TRPM6: variants seen among roughly 807,000 people sequenced by gnomAD.
The protein encoded by TRPM6 is transient receptor potential cation channel subfamily M member 6.
TRPM6 carries 111 observed loss-of-function variants against 247.6 expected under a neutral mutation model. The ratio of observed to expected loss-of-function variants is 0.45; its 90% CI spans 0.38 to 0.52. TRPM6 has a LOEUF of 0.52. TRPM6 is among the 20% of genes least tolerant of loss of function. TRPM6 has a pLI of 0.00. For synonymous variants in TRPM6, 892 were observed against 853.8 expected, an observed-to-expected ratio of 1.04 and a Z score of -0.78; for missense variants, 2,126 against 2,421.5, an observed-to-expected ratio of 0.88 and a Z score of 2.56.
chr9:74,775,482 C>G (rs957637000), intron 24 of TRPM6, among the ~76,000 whole-genome samples: 1 of 152,132 alleles, frequency 6.6e-6, no homozygotes, highest in Admixed American at 6.5e-5. Flanking sequence ...CTCTTAGACC[C>G]CAAGGCCTTC....
At chr9:74,776,219 T>G (rs1827217417) in intron 23 of TRPM6, 143 bp from the exon 24 acceptor site, 1 of 738,028 alleles carries the variant, frequency 1.4e-6, no homozygotes, top group South Asian at 1.5e-5. Context: ...GTGTTTACAA[T>G]TCTTCTTCCA....
intron 27 of TRPM6, among the ~76,000 whole-genome samples, chr9:74,756,923 C>T (rs1477800460): frequency 1.3e-5 from 2 of 151,836 alleles, no homozygotes; most frequent in South Asian, 2.1e-4. Context: ...AGAGGCTGGG[C>T]GTGGTGGTTC....
At chr9:74,788,779 G>A (rs370252228) in intron 19 of TRPM6, 37 bp from the exon 20 acceptor site, 61 of 1,610,598 alleles carry the variant, frequency 3.8e-5, no homozygotes, top group Non-Finnish European at 4.8e-5. Context: ...ATGTGAGTGA[G>A]AGCAAGCATG....
chr9:74,785,809 C>T (rs933170059), intron 21 of TRPM6, 65 bp downstream of exon 21: 13 of 1,578,994 alleles, frequency 8.2e-6, no homozygotes, highest in Middle Eastern at 3.7e-4. Flanking sequence ...AGGTGTGAGC[C>T]ACCACACCTG....
chr9:74,791,678 T>C (rs1322289409), intron 19 of TRPM6, among the ~76,000 whole-genome samples: 1 of 152,188 alleles, frequency 6.6e-6, no homozygotes, highest in East Asian at 1.9e-4. Flanking sequence ...CATATACTAC[T>C]GAAGGCAAAA....
rs190112728 is a variant in TRPM6, at chr9:74,794,098, C to T, written c.2392-1328G>A. Among the ~76,000 whole-genome samples, 335 of 151,228 alleles carry T rather than the reference C, an allele frequency of 2.2e-3. 4 individuals carry two copies. Among genetic ancestry groups the T allele is most frequent in the Admixed American group, 0.018 (266 of 15,178 alleles). On this transcript the variant is annotated intron_variant, in intron 18 of 38. Coordinates refer to ENST00000360774, the MANE Select transcript of TRPM6 (RefSeq NM_017662.5). ...TTAAGAAGCAGCAATGTAAGGGTAG[C>T]GAAAGGAAAGCAAAAGCGATATCAC...
chr9:74,801,760 C>A, intron 16 of TRPM6, 138 bp downstream of exon 16: 1 of 1,064,394 alleles, frequency 9.4e-7, no homozygotes, highest in Non-Finnish European at 1.4e-6. Flanking sequence ...TACCTGAAGA[C>A]CCTTTTAACA....
intron 7 of TRPM6, among the ~76,000 whole-genome samples, chr9:74,826,138 C>T (rs769189790): frequency 2.4e-4 from 36 of 152,140 alleles, no homozygotes; most frequent in Non-Finnish European, 4.1e-4. Context: ...AAAGACACAC[C>T]GTGCACCCAA....
intron 27 of TRPM6, among the ~76,000 whole-genome samples, chr9:74,758,892 C>A (rs1188708802): frequency 6.6e-6 from 1 of 152,018 alleles, no homozygotes; most frequent in African/African-American, 2.4e-5. Context: ...TCTTAAAAAG[C>A]TACACAATAT....
intron 20 of TRPM6, 152 bp from the exon 21 acceptor site, chr9:74,786,277 T>G: frequency 1.3e-6 from 1 of 765,310 alleles, no homozygotes. Flanking sequence ...ACTTAAGTTA[T>G]CATCAGTAAT....
intron 27 of TRPM6, among the ~76,000 whole-genome samples, chr9:74,758,781 A>C (rs780704835): frequency 6.6e-6 from 1 of 152,186 alleles, no homozygotes; most frequent in Non-Finnish European, 1.5e-5. Flanking sequence ...GGTTCTGTTC[A>C]GTGTAATCAG....
At chr9:74,800,052 C>G (rs930143974) in intron 17 of TRPM6, 1 of 603,236 alleles carries the variant, frequency 1.7e-6, no homozygotes, top group Non-Finnish European at 3.0e-6. Flanking sequence ...TCGCAGAAGA[C>G]GACCATCCCC....
intron 36 of TRPM6, chr9:74,737,300 G>T: frequency 8.6e-7 from 1 of 1,166,228 alleles, no homozygotes; most frequent in Non-Finnish European, 1.1e-6. Context: ...AAAAATTTGT[G>T]TCACATCCTT....
chr9:74,885,162 G>C (rs1038095085), intron 1 of TRPM6, among the ~76,000 whole-genome samples: 1 of 152,160 alleles, frequency 6.6e-6, no homozygotes, highest in African/African-American at 2.4e-5. Context: ...AAGGAAGAAA[G>C]CTTTTAATAG....
Position 74,840,151 on chromosome 9 carries a change from C to G in TRPM6, c.417G>C (p.Val139=). The G allele has an allele frequency of 6.2e-7, 1 of 1,614,046 alleles. No individual in the cohort carries two copies. Among genetic ancestry groups the G allele is most frequent in the Non-Finnish European group, 8.5e-7 (1 of 1,179,928 alleles). ...KEWKMELPKL[V]ISVHGGIQNF... ...TCTGGATGCCCCCATGGACTGAGAT[C>G]ACAAGCTTGGGCAGTTCCATTTTCC... is the stretch of plus-strand genomic sequence containing the variant. The change falls in exon 5 of 39, where the codon GTG becomes GTC. Residue 139 remains valine, a synonymous_variant. Transcript: ENST00000360774.
chr9:74,753,128 A>G (rs1826313110), intron 28 of TRPM6, among the ~76,000 whole-genome samples: 1 of 151,442 alleles, frequency 6.6e-6, no homozygotes, highest in South Asian at 2.1e-4. Flanking sequence ...AAAAAAAAAA[A>G]AGAAAGGAAT....
chr9:74,725,454 A>G (rs1825284271), intron 38 of TRPM6, among the ~76,000 whole-genome samples: 1 of 152,182 alleles, frequency 6.6e-6, no homozygotes, highest in Non-Finnish European at 1.5e-5. Context: ...CATTTATTGA[A>G]CATGTAAATT....
At chr9:74,754,556 C>T (rs1216899972) in intron 28 of TRPM6, among the ~76,000 whole-genome samples, 2 of 152,196 alleles carry the variant, frequency 1.3e-5, no homozygotes, top group Non-Finnish European at 2.9e-5. Context: ...CGTGTAAAAT[C>T]ACCCCTTGGT....
intron 1 of TRPM6, among the ~76,000 whole-genome samples, chr9:74,866,041 C>G (rs1830833745): frequency 6.6e-6 from 1 of 152,204 alleles, no homozygotes; most frequent in African/African-American, 2.4e-5. Context: ...TGGCTCACGC[C>G]TAGAATCCCA....
Sources: gnomAD v4.1 joint callset for allele counts (sites outside exome capture counted in the v4.1 genomes callset) on GRCh38, gnomAD v4.1.1 for gene constraint, MANE v1.5 for transcripts, NCBI Gene and HGNC (gene_info 2026-07-23, HGNC 2026-07-21) for gene names.